Variants in RAPGEF1 observed in about 807,000 individuals in gnomAD.
RAPGEF1 encodes CRK SH3-binding GNRP.
Under a neutral mutation model 143.3 loss-of-function variants are expected in RAPGEF1, and 33 were observed. The observed-to-expected ratio is 0.23, with a 90% CI of 0.17 to 0.31. RAPGEF1 has a LOEUF of 0.31. Ranked by LOEUF, RAPGEF1 falls within the 10% of genes least tolerant of loss-of-function variation. The pLI, the probability that RAPGEF1 is intolerant of heterozygous loss-of-function variation, is 1.00. For synonymous variants in RAPGEF1, 629 were observed against 676.5 expected, an observed-to-expected ratio of 0.93 and a Z score of 1.09; for missense variants, 1,199 against 1,645.4, an observed-to-expected ratio of 0.73 and a Z score of 4.69.
chr9:131,610,754 A>C (rs942175465), intron 12 of RAPGEF1, among the ~76,000 whole-genome samples: 5 of 152,210 alleles, frequency 3.3e-5, no homozygotes, highest in Non-Finnish European at 5.9e-5. Context: ...TGTGAGCCTC[A>C]AAGTGTGGGC....
rs530336036 is a variant in RAPGEF1, at chr9:131,592,019, G to A, written c.2774+80C>T. ...CAATATGCTGCTCGGCTTCCCCCAC[G>A]AGGACTGAAGGGCAAGAGGGTCCCT... is the stretch of plus-strand genomic sequence containing the variant. On this transcript the variant is annotated intron_variant, in intron 18 of 26. Transcript: ENST00000683357. 19 of 1,112,230 alleles carry A rather than the reference G, an allele frequency of 1.7e-5. No homozygotes were observed. In the Admixed American group the frequency reaches 2.5e-4, roughly 14 times the overall value. 68.9% of individuals were successfully genotyped at this position (1,112,230 alleles called of 1,614,324 possible).
chr9:131,695,071 T>G (rs1184412362), intron 1 of RAPGEF1, among the ~76,000 whole-genome samples: 1 of 151,526 alleles, frequency 6.6e-6, no homozygotes, highest in Non-Finnish European at 1.5e-5. Context: ...GTCTATTGTG[T>G]ATTTTCACCT....
At chr9:131,613,591 A>G (rs537894860) in intron 12 of RAPGEF1, among the ~76,000 whole-genome samples, 2 of 152,344 alleles carry the variant, frequency 1.3e-5, no homozygotes, top group South Asian at 2.1e-4. Context: ...TGCCCTGTGC[A>G]GTATCAGCAA....
intron 1 of RAPGEF1, among the ~76,000 whole-genome samples, chr9:131,680,065 T>C (rs1193376513): frequency 6.6e-6 from 1 of 152,248 alleles, no homozygotes; most frequent in African/African-American, 2.4e-5. Flanking sequence ...CATTTATAAC[T>C]AAACGCAACT....
rs1952337184 is a variant in RAPGEF1 at position 131,584,217 on chromosome 9, C to T, written c.3414+94G>A. The T allele has an allele frequency of 2.5e-6, 3 of 1,199,790 alleles. No homozygotes were observed. Among genetic ancestry groups the T allele is most frequent in the East Asian group, 2.5e-5 (1 of 39,218 alleles). 74.3% of individuals were successfully genotyped at this position (1,199,790 alleles called of 1,614,324 possible). A position where few individuals can be genotyped will look rare whatever the true frequency, so the allele number is the denominator to read the frequency against. On this transcript the variant is annotated intron_variant, in intron 24 of 26. Transcript: ENST00000683357. The surrounding 1 kb of genome is among the most constrained non-coding windows in gnomAD (Gnocchi z 6.8). ...CAGGGGCCTAGGCCCAGCATTTGCT[C>T]CAGTGGGAGCACTTTCTGCCACAGC...
intron 3 of RAPGEF1, among the ~76,000 whole-genome samples, chr9:131,647,336 C>T (rs575870932): frequency 3.4e-4 from 52 of 152,300 alleles, no homozygotes; most frequent in African/African-American, 1.2e-3. Context: ...ATAAAAGCTT[C>T]CCCACACAAT....
chr9:131,720,774 G>GT (rs148380660), intron 1 of RAPGEF1, among the ~76,000 whole-genome samples: 2,893 of 152,120 alleles, frequency 0.019, 85 homozygotes, highest in African/African-American at 0.066. Flanking sequence ...TCCTATGCCT[G>GT]TATCTTTTCC....
intron 22 of RAPGEF1, among the ~76,000 whole-genome samples, chr9:131,586,228 ACAC>A (rs1405183184): frequency 6.7e-6 from 1 of 149,324 alleles, no homozygotes; most frequent in Non-Finnish European, 1.5e-5. Context: ...ACACACACAC[ACAC>A]ACCTGCAGAG....
At chr9:131,722,084 C>A (rs1466306898) in intron 1 of RAPGEF1, among the ~76,000 whole-genome samples, 1 of 152,076 alleles carries the variant, frequency 6.6e-6, no homozygotes, top group Non-Finnish European at 1.5e-5. Context: ...CCTTACATGT[C>A]TTATATGTGT....
chr9:131,700,008 T>C (rs1834507767), intron 1 of RAPGEF1, among the ~76,000 whole-genome samples: 1 of 152,172 alleles, frequency 6.6e-6, no homozygotes, highest in Non-Finnish European at 1.5e-5. Context: ...ACTCACTCTG[T>C]ACCCACACAG....
rs141441842 is a variant in RAPGEF1, at chr9:131,688,279, T to C, written c.62-37330A>G. ...CTTCAGGAAGAACTGAAGTCAATTA[T>C]TCCGAGTCTGTGAACACCTCCAGTC... On this transcript the variant is annotated intron_variant, in intron 1 of 26. Transcript: ENST00000683357. Among the ~76,000 whole-genome samples, 59 of 152,328 alleles carry C rather than the reference T, an allele frequency of 3.9e-4. No homozygotes were observed. The East Asian group carries it at 0.011, about 29-fold the overall frequency.
chr9:131,677,822 G>C (rs1348978017), intron 1 of RAPGEF1, among the ~76,000 whole-genome samples: 2 of 152,184 alleles, frequency 1.3e-5, no homozygotes, highest in Admixed American at 1.3e-4. Context: ...AGCTGCTGCA[G>C]AGCTCGGCCT....
At chr9:131,586,144 C>T (rs11243441) in intron 22 of RAPGEF1, among the ~76,000 whole-genome samples, 10,813 of 151,778 alleles carry the variant, frequency 0.071, 770 homozygotes, top group African/African-American at 0.18. Context: ...TGCAGTGAGC[C>T]GAGATTGCGC....
At chr9:131,661,508 T>TG (rs1414844662) in intron 1 of RAPGEF1, among the ~76,000 whole-genome samples, 2 of 152,176 alleles carry the variant, frequency 1.3e-5, no homozygotes, top group African/African-American at 4.8e-5. Flanking sequence ...ATCTGGGGGT[T>TG]GGTTGTACCA....
At chr9:131,625,229 G>A (rs1403652106) in intron 10 of RAPGEF1, among the ~76,000 whole-genome samples, 3 of 152,190 alleles carry the variant, frequency 2.0e-5, no homozygotes, top group Admixed American at 1.3e-4. Flanking sequence ...GGGAGAGGGC[G>A]GGGACAGAGG....
At chr9:131,619,983 T>A (rs1450616015) in intron 11 of RAPGEF1, among the ~76,000 whole-genome samples, 1 of 152,170 alleles carries the variant, frequency 6.6e-6, no homozygotes, top group Non-Finnish European at 1.5e-5. Context: ...TCTGTCTGCC[T>A]CAATTTACTT....
intron 1 of RAPGEF1, among the ~76,000 whole-genome samples, chr9:131,712,655 C>T (rs978725547): frequency 8.5e-5 from 13 of 152,202 alleles, no homozygotes; most frequent in African/African-American, 2.9e-4. Flanking sequence ...TGCCCTCTCT[C>T]GTTTCTCAGC....
At chr9:131,708,564 T>C (rs1245221890) in intron 1 of RAPGEF1, among the ~76,000 whole-genome samples, 1 of 152,208 alleles carries the variant, frequency 6.6e-6, no homozygotes, top group Non-Finnish European at 1.5e-5. Flanking sequence ...TTCCTGGGTG[T>C]CCAGGATGGA....
chr9:131,664,558 A>G (rs35297841), intron 1 of RAPGEF1, among the ~76,000 whole-genome samples: 1 of 151,938 alleles, frequency 6.6e-6, no homozygotes, highest in African/African-American at 2.4e-5. Context: ...CCCTTCCACA[A>G]CAGTGAGAAC....
Sources: gnomAD v4.1 joint callset for allele counts (sites outside exome capture counted in the v4.1 genomes callset) on GRCh38, gnomAD v4.1.1 for gene constraint, Gnocchi (gnomAD v3.1) non-coding constraint, MANE v1.5 for transcripts, NCBI Gene and HGNC (gene_info 2026-07-23, HGNC 2026-07-21) for gene names.